Variants in RBFOX1 observed in about 807,000 individuals in gnomAD.
RBFOX1 encodes RNA binding protein fox-1 homolog 1.
A neutral mutation model predicts 57.7 loss-of-function variants in RBFOX1; 8 were observed. The ratio of observed to expected loss-of-function variants is 0.14; its 90% CI spans 0.08 to 0.25. The LOEUF is 0.25. Among genes scored for constraint, RBFOX1 ranks in the 10% least tolerant of loss-of-function variants. The probability of loss-of-function intolerance (pLI) is 1.00; values close to 1 mark genes in which losing one functional copy is unlikely to be tolerated. For missense variants in RBFOX1, 611 were observed against 548.5 expected (o/e 1.11, Z -1.14); for synonymous variants, 326 against 222.4 (o/e 1.47, Z -4.15).
intron 3 of RBFOX1, among the ~76,000 whole-genome samples, chr16:5,696,665 A>G (rs1356046464): frequency 6.6e-6 from 1 of 152,182 alleles, no homozygotes; most frequent in African/African-American, 2.4e-5. Flanking sequence ...GAAAATAATT[A>G]TTATAATTTT....
At chr16:5,869,817 A>G (rs2151900878) in intron 4 of RBFOX1, among the ~76,000 whole-genome samples, 1 of 152,310 alleles carries the variant, frequency 6.6e-6, no homozygotes, top group East Asian at 1.9e-4. Context: ...TTCCACTTCT[A>G]CTTGTATGCC....
intron 1 of RBFOX1, among the ~76,000 whole-genome samples, chr16:5,359,627 A>G (rs1596651099): frequency 6.6e-6 from 1 of 152,148 alleles, no homozygotes; most frequent in South Asian, 2.1e-4. Flanking sequence ...AGATATGTCT[A>G]TTCAAATCTT....
chr16:7,071,587 ATGTGTG>A (rs60039723), intron 4 of RBFOX1, among the ~76,000 whole-genome samples: 89,749 of 147,844 alleles, frequency 0.61, 30,095 homozygotes, highest in East Asian at 0.89. Flanking sequence ...TTGCCCAGAT[ATGTGTG>A]TGTGTGTGTG....
chr16:6,685,618 C>G (rs977663440), intron 3 of RBFOX1, among the ~76,000 whole-genome samples: 1 of 151,882 alleles, frequency 6.6e-6, no homozygotes, highest in African/African-American at 2.4e-5. Flanking sequence ...ACACTTAAAC[C>G]AAGTCCAGAC....
chr16:5,906,300 A>G (rs1269736345), intron 4 of RBFOX1, among the ~76,000 whole-genome samples: 2 of 152,202 alleles, frequency 1.3e-5, no homozygotes, highest in Non-Finnish European at 2.9e-5. Context: ...TCTTTGTAAA[A>G]AGGGGAAATT....
intron 2 of RBFOX1, among the ~76,000 whole-genome samples, chr16:6,543,074 A>G (rs1238476431): frequency 2.0e-5 from 3 of 152,050 alleles, no homozygotes; most frequent in African/African-American, 7.2e-5. Flanking sequence ...TTTGATCAAT[A>G]GTTTTGTTCA....
chr16:6,858,952 A>C (rs1054528112), intron 3 of RBFOX1, among the ~76,000 whole-genome samples: 2 of 151,454 alleles, frequency 1.3e-5, no homozygotes, highest in Admixed American at 6.6e-5. Flanking sequence ...TTCACTGTCA[A>C]TCAAAGGTAG....
At chr16:5,862,318 C>T (rs902239699) in intron 3 of RBFOX1, among the ~76,000 whole-genome samples, 1 of 152,174 alleles carries the variant, frequency 6.6e-6, no homozygotes, top group African/African-American at 2.4e-5. Flanking sequence ...CGGTCCGGCA[C>T]CGTGGTGTGT....
At chr16:6,881,914 G>C (rs1220995499) in intron 3 of RBFOX1, among the ~76,000 whole-genome samples, 1 of 152,190 alleles carries the variant, frequency 6.6e-6, no homozygotes, top group Non-Finnish European at 1.5e-5. Flanking sequence ...GCAGGATTTA[G>C]ATGTAGGCTC....
At chr16:6,523,561 T>C (rs2153806706) in intron 2 of RBFOX1, among the ~76,000 whole-genome samples, 1 of 152,360 alleles carries the variant, frequency 6.6e-6, no homozygotes, top group East Asian at 1.9e-4. Context: ...TTACCCTTTT[T>C]TGACCTTGCC....
At chr16:7,464,570 C>T (rs537680759) in intron 4 of RBFOX1, among the ~76,000 whole-genome samples, 1 of 152,026 alleles carries the variant, frequency 6.6e-6, no homozygotes, top group Non-Finnish European at 1.5e-5. Context: ...GTTAAAAATC[C>T]CTGAGTGTTT....
chr16:5,920,263 G>A (rs1392489196), intron 4 of RBFOX1, among the ~76,000 whole-genome samples: 1 of 152,170 alleles, frequency 6.6e-6, no homozygotes, highest in Non-Finnish European at 1.5e-5. Context: ...GTAGAAGGAA[G>A]TACTGTATTT....
intron 1 of RBFOX1, among the ~76,000 whole-genome samples, chr16:6,113,864 T>C (rs1340469038): frequency 1.3e-5 from 2 of 152,184 alleles, no homozygotes; most frequent in African/African-American, 4.8e-5. Context: ...CCGTTCTCCT[T>C]TGCTCCCATC....
intron 1 of RBFOX1, among the ~76,000 whole-genome samples, chr16:5,376,498 G>A (rs1366155929): frequency 6.6e-6 from 1 of 152,174 alleles, no homozygotes; most frequent in African/African-American, 2.4e-5. Context: ...ATGGAGACCA[G>A]GGATGAGCAG....
At chr16:7,342,796 A>G (rs556163271) in intron 4 of RBFOX1, among the ~76,000 whole-genome samples, 218 of 152,196 alleles carry the variant, frequency 1.4e-3, no homozygotes, top group African/African-American at 4.8e-3. Context: ...AAAAGCCACC[A>G]TCCTCTTCCC....
rs1027319062 is a variant in RBFOX1 at position 6,816,847 on chromosome 16, C to A, written c.-16+162197C>A. On this transcript the variant is annotated intron_variant, in intron 3 of 15. Transcript: ENST00000550418. Reference sequence around the variant, plus strand: ...GCAGTCTCAAACTCCTGGGCTCAAACAGTCCTCCCACTTCACCCTCCCAAG... The same window carrying A: ...GCAGTCTCAAACTCCTGGGCTCAAAAAGTCCTCCCACTTCACCCTCCCAAG... Among the ~76,000 whole-genome samples, 5 of 151,974 alleles carry A rather than the reference C, an allele frequency of 3.3e-5. No homozygotes were observed. The South Asian group carries it at 8.3e-4, about 25-fold the overall frequency.
At chr16:5,412,004 G>A (rs1273922413) in intron 1 of RBFOX1, among the ~76,000 whole-genome samples, 1 of 152,082 alleles carries the variant, frequency 6.6e-6, no homozygotes, top group Admixed American at 6.6e-5. Context: ...TTTCTAGATC[G>A]GTTAGTTATG....
At chr16:6,627,328 A>T (rs1321925688) in intron 2 of RBFOX1, among the ~76,000 whole-genome samples, 1 of 152,180 alleles carries the variant, frequency 6.6e-6, no homozygotes, top group East Asian at 1.9e-4. Flanking sequence ...TACCTACTCT[A>T]GGTGAGCTTA....
At chr16:5,413,285 C>T (rs1168959325) in intron 1 of RBFOX1, among the ~76,000 whole-genome samples, 1 of 152,166 alleles carries the variant, frequency 6.6e-6, no homozygotes, top group Non-Finnish European at 1.5e-5. Flanking sequence ...ACAGCATTCT[C>T]CAGAGAGCAC....
Sources: allele counts gnomAD v4.1 joint callset (sites outside exome capture counted in the v4.1 genomes callset), GRCh38; gene constraint gnomAD v4.1.1; transcripts MANE v1.5; gene names NCBI Gene and HGNC (gene_info 2026-07-23, HGNC 2026-07-21).